THUMPD2: variants seen among roughly 807,000 people sequenced by gnomAD.
THUMPD2 encodes THUMP domain 2 tRNA and snRNA guanosine methyltransferase.
Under a neutral mutation model 49.4 loss-of-function variants are expected in THUMPD2, and 56 were observed. The observed-to-expected ratio is 1.13, with a 90% CI of 0.91 to 1.41. The LOEUF is 1.41. Ranked by LOEUF, THUMPD2 falls within the 40% of genes most tolerant of loss-of-function variation. The pLI is 0.00. For missense variants in THUMPD2, 709 were observed against 594.5 expected (o/e 1.19, Z -2.00); for synonymous variants, 237 against 205.2 (o/e 1.15, Z -1.32).
chr2:39,761,369 T>C lies in THUMPD2; in HGVS notation c.853A>G (p.Thr285Ala), dbSNP rs1676804953. Reference sequence around the variant, plus strand: ...AGAGATGCCATTGCCCACGCTATTGTAGATCGCAGTCCAGCTGTCTTGATG... The same window carrying C: ...AGAGATGCCATTGCCCACGCTATTGCAGATCGCAGTCCAGCTGTCTTGATG... Reference protein sequence around the residue: ...AYIKTAGLRSTIAWAMASLAD... With the variant: ...AYIKTAGLRSAIAWAMASLAD... The change falls in exon 6 of 10, where the codon ACA becomes GCA. Residue 285 changes from threonine (T) to alanine (A), a missense_variant. Physicochemically the swap from Thr to Ala is moderately conservative, Grantham distance 58 (BLOSUM62 0). Transcript: ENST00000505747. 1.9e-6 allele frequency: 3 copies of C among 1,613,848 alleles called. No individual in the cohort carries two copies. The highest frequency in any genetic ancestry group is 2.5e-6 in the Non-Finnish European group (3 of 1,179,782).
At chr2:39,755,846 T>A in intron 7 of THUMPD2, 43 bp downstream of exon 7, 1 of 1,516,084 alleles carries the variant, frequency 6.6e-7, no homozygotes, top group Non-Finnish European at 9.2e-7. Context: ...ATATACTGAT[T>A]AAAGTAGATA....
rs374861467 is a variant in THUMPD2, at chr2:39,761,349, T to C, written c.873A>G (p.Ala291=). The change falls in exon 6 of 10, where the codon GCA becomes GCG. Residue 291 remains alanine, a synonymous_variant. Transcript: ENST00000505747. Reference sequence around the variant, plus strand: ...TTCTTACCTTAATGTCAGCCAGAGATGCCATTGCCCACGCTATTGTAGATC... The same window carrying C: ...TTCTTACCTTAATGTCAGCCAGAGACGCCATTGCCCACGCTATTGTAGATC... ...GLRSTIAWAM[A]SLADIKAGAF... The C allele has an allele frequency of 2.5e-5, 41 of 1,613,698 alleles. No individual in the cohort carries two copies. The highest frequency in any genetic ancestry group is 3.2e-5 in the Non-Finnish European group (38 of 1,179,766).
chr2:39,748,545 G>C (rs1310283393), intron 8 of THUMPD2, among the ~76,000 whole-genome samples: 2 of 152,058 alleles, frequency 1.3e-5, no homozygotes, highest in Non-Finnish European at 2.9e-5. Context: ...AAAATTAGCT[G>C]GGCGTGGTAG....
rs1676024608 is a variant in THUMPD2, at chr2:39,755,771, C to G, written c.963+118G>C. Reference sequence around the variant, plus strand: ...ATCATCTATTTTGAGTAAATAATAACTCATATAATTAAAAATAATCCCCAA... The same window carrying G: ...ATCATCTATTTTGAGTAAATAATAAGTCATATAATTAAAAATAATCCCCAA... On this transcript the variant is annotated intron_variant, in intron 7 of 9. Transcript: ENST00000505747. 2.7e-5 allele frequency: 20 copies of G among 738,862 alleles called. No individual in the cohort carries two copies. In the South Asian group the frequency reaches 3.5e-4, roughly 13 times the overall value. 45.8% of individuals were successfully genotyped at this position (738,862 alleles called of 1,614,324 possible).
chr2:39,754,775 T>C (rs1216273914), intron 8 of THUMPD2, among the ~76,000 whole-genome samples: 2 of 152,212 alleles, frequency 1.3e-5, no homozygotes, highest in Non-Finnish European at 2.9e-5. Flanking sequence ...CCTCACAGGG[T>C]GGCCAACTGT....
intron 8 of THUMPD2, among the ~76,000 whole-genome samples, chr2:39,749,935 C>T (rs1675167234): frequency 6.6e-6 from 1 of 152,132 alleles, no homozygotes; most frequent in Admixed American, 6.6e-5. Flanking sequence ...TATCTTGTTC[C>T]TTTTTATGTT....
intron 8 of THUMPD2, among the ~76,000 whole-genome samples, chr2:39,744,972 C>A (rs1031554646): frequency 6.6e-6 from 1 of 152,064 alleles, no homozygotes; most frequent in African/African-American, 2.4e-5. Context: ...AGAGAAAAGG[C>A]TACATAATCA....
At chr2:39,760,991 T>C (rs1676744591) in intron 6 of THUMPD2, among the ~76,000 whole-genome samples, 1 of 152,104 alleles carries the variant, frequency 6.6e-6, no homozygotes, top group Non-Finnish European at 1.5e-5. Flanking sequence ...CATAGAACAT[T>C]TACAAAAATT....
At chr2:39,757,968 C>A (rs1029345205) in intron 6 of THUMPD2, among the ~76,000 whole-genome samples, 10 of 152,128 alleles carry the variant, frequency 6.6e-5, no homozygotes, top group Non-Finnish European at 8.8e-5. Context: ...CTCTACTATG[C>A]CATTTCCTAG....
chr2:39,776,392 CTAT>C (rs1468020221), intron 1 of THUMPD2, among the ~76,000 whole-genome samples: 2 of 134,608 alleles, frequency 1.5e-5, no homozygotes, highest in African/African-American at 5.1e-5. Context: ...ACTCAGTATA[CTAT>C]TTTTTTTTTT....
chr2:39,758,517 C>T (rs927539700), intron 6 of THUMPD2, among the ~76,000 whole-genome samples: 1 of 152,068 alleles, frequency 6.6e-6, no homozygotes, highest in African/African-American at 2.4e-5. Flanking sequence ...AGCAGTGGAA[C>T]CCAGAGGGGA....
At chr2:39,756,599 T>G (rs1249382188) in intron 6 of THUMPD2, among the ~76,000 whole-genome samples, 2 of 151,438 alleles carry the variant, frequency 1.3e-5, no homozygotes, top group Non-Finnish European at 2.9e-5. Flanking sequence ...GAGGGCCCCG[T>G]GGGGTTAAAG....
intron 2 of THUMPD2, 55 bp downstream of exon 2, chr2:39,771,450 T>C (rs1377942281): frequency 9.2e-6 from 14 of 1,513,608 alleles, no homozygotes; most frequent in South Asian, 2.6e-5. Context: ...GCAGAAAATG[T>C]TGGAGTACAA....
At chr2:39,745,014 ATT>A (rs1425133186) in intron 8 of THUMPD2, among the ~76,000 whole-genome samples, 3 of 152,144 alleles carry the variant, frequency 2.0e-5, no homozygotes, top group African/African-American at 7.2e-5. Flanking sequence ...ACTAAAAATT[ATT>A]GTGTCTGATT....
rs569766843 is a variant in THUMPD2 at position 39,749,793 on chromosome 2, C to T, written c.1079-5315G>A. ...CCTGACAGACCCCTGTGTGTGTTGT[C>T]CCCCAACCACGTGTTCTCATCGTTT... On this transcript the variant is annotated intron_variant, in intron 8 of 9. Transcript: ENST00000505747. Among the ~76,000 whole-genome samples the T allele has an allele frequency of 2.0e-5, 3 of 151,710 alleles. No individual in the cohort carries two copies. The South Asian group carries it at 6.3e-4, about 32-fold the overall frequency.
At chr2:39,740,772 T>C (rs2148167554) in intron 9 of THUMPD2, among the ~76,000 whole-genome samples, 1 of 152,052 alleles carries the variant, frequency 6.6e-6, no homozygotes. Flanking sequence ...GGTAGCTTGA[T>C]CGCAGCCCAC....
intron 5 of THUMPD2, 112 bp from the exon 6 acceptor site, chr2:39,761,530 C>T: frequency 1.0e-6 from 1 of 970,114 alleles, no homozygotes; most frequent in Non-Finnish European, 1.6e-6. Context: ...CCAACATACA[C>T]TAAAGTATTC....
At position 39,769,176 on chromosome 2, in the gene THUMPD2, C is replaced by T. The variant is rs72938124; in HGVS notation, c.672+534G>A. The T allele has an allele frequency of 5.8e-3, 6,106 of 1,052,730 alleles. 258 individuals are homozygous for T. In the African/African-American group the frequency reaches 0.093, roughly 16 times the overall value. The allele number at this position is 1,052,730 out of a possible 1,614,324, so 65.2% of individuals were successfully genotyped here. ...CTGAGGACTATGGTATCAGGATTTC[C>T]AAATACAAAGGACATCTGTAGATTT... is the stretch of plus-strand genomic sequence containing the variant. On this transcript the variant is annotated intron_variant, in intron 3 of 9. Coordinates refer to ENST00000505747, the MANE Select transcript of THUMPD2 (RefSeq NM_025264.5).
intron 1 of THUMPD2, among the ~76,000 whole-genome samples, chr2:39,773,014 A>G (rs1214509673): frequency 6.6e-6 from 1 of 152,200 alleles, no homozygotes; most frequent in Admixed American, 6.5e-5. Flanking sequence ...AGATGGAGGA[A>G]CAGACAATGA....
Sources: allele counts gnomAD v4.1 joint callset (sites outside exome capture counted in the v4.1 genomes callset), GRCh38; gene constraint gnomAD v4.1.1; transcripts MANE v1.5; gene names NCBI Gene and HGNC (gene_info 2026-07-23, HGNC 2026-07-21).